KCNMA1: variants seen among roughly 807,000 people sequenced by gnomAD.
KCNMA1 encodes the protein Calcium-activated potassium channel subunit alpha-1.
Under a neutral mutation model 140.0 loss-of-function variants are expected in KCNMA1, and 29 were observed. That is an observed-to-expected ratio of 0.21 (90% CI 0.15 to 0.28). The LOEUF (loss-of-function observed/expected upper bound fraction) is 0.28. Among genes scored for constraint, KCNMA1 ranks in the 10% least tolerant of loss-of-function variants. KCNMA1 has a pLI of 1.00. For missense variants in KCNMA1, 880 were observed against 1,602.2 expected, an observed-to-expected ratio of 0.55 and a Z score of 7.70; for synonymous variants, 612 against 611.9, an observed-to-expected ratio of 1.00 and a Z score of 0.00.
chr10:77,532,349 G>A (rs929478448), intron 1 of KCNMA1, among the ~76,000 whole-genome samples: 3 of 152,204 alleles, frequency 2.0e-5, no homozygotes, highest in South Asian at 4.1e-4. Flanking sequence ...GATTCTCCCC[G>A]CCAGTACAGT....
downstream of KCNMA1, among the ~76,000 whole-genome samples, chr10:76,881,191 C>T (rs557367015): frequency 3.9e-5 from 6 of 152,218 alleles, no homozygotes; most frequent in Middle Eastern, 3.4e-3. Context: ...CAAGGAGATG[C>T]GGGCTAAGGA....
chr10:76,906,867 G>A (rs1233820649), intron 25 of KCNMA1, among the ~76,000 whole-genome samples: 1 of 152,074 alleles, frequency 6.6e-6, no homozygotes, highest in Non-Finnish European at 1.5e-5. Flanking sequence ...CTAGATTTGT[G>A]GACTCAGACC....
At chr10:77,247,108 T>A (rs566060680) in intron 3 of KCNMA1, among the ~76,000 whole-genome samples, 138 of 152,364 alleles carry the variant, frequency 9.1e-4, no homozygotes, top group Middle Eastern at 6.8e-3. Flanking sequence ...GGACTTGACC[T>A]TCATTTTCAG....
chr10:77,370,186 C>T (rs1347150024), intron 2 of KCNMA1, among the ~76,000 whole-genome samples: 2 of 151,938 alleles, frequency 1.3e-5, no homozygotes, highest in Admixed American at 6.6e-5. Context: ...TGGATGTGCA[C>T]CAACCCCAGC....
intron 3 of KCNMA1, among the ~76,000 whole-genome samples, chr10:77,209,601 A>C (rs1020417933): frequency 8.5e-5 from 13 of 152,176 alleles, no homozygotes; most frequent in Non-Finnish European, 8.8e-5. Flanking sequence ...TTTTTCATAT[A>C]ACATATCAAA....
At chr10:77,382,997 T>C (rs1224958635) in intron 2 of KCNMA1, among the ~76,000 whole-genome samples, 1 of 33,832 alleles carries the variant, frequency 3.0e-5, no homozygotes, top group Admixed American at 3.7e-4. Flanking sequence ...TGTGTGTGTA[T>C]ATATATATAT....
At chr10:77,491,390 C>T (rs1011065489) in intron 1 of KCNMA1, among the ~76,000 whole-genome samples, 6 of 152,108 alleles carry the variant, frequency 3.9e-5, no homozygotes, top group African/African-American at 7.2e-5. Context: ...TGTTCCATGG[C>T]CCAGTTTCCC....
intron 2 of KCNMA1, among the ~76,000 whole-genome samples, chr10:77,258,049 T>C (rs1260779886): frequency 2.0e-5 from 3 of 152,176 alleles, no homozygotes; most frequent in East Asian, 1.9e-4. Flanking sequence ...ACTCTGCCCC[T>C]ATAAGCAACA....
At chr10:77,594,020 A>C (rs2080035006) in intron 1 of KCNMA1, among the ~76,000 whole-genome samples, 1 of 152,234 alleles carries the variant, frequency 6.6e-6, no homozygotes, top group African/African-American at 2.4e-5. Flanking sequence ...ATGATGTATC[A>C]CAGCTGATCT....
chr10:77,154,063 G>A lies in KCNMA1; in HGVS notation c.808+29358C>T, dbSNP rs148107691. Among the ~76,000 whole-genome samples, 201 of 152,240 alleles carry A rather than the reference G, an allele frequency of 1.3e-3. 1 individual carries two copies. Among genetic ancestry groups the A allele is most frequent in the African/African-American group, 4.4e-3 (183 of 41,538 alleles). On this transcript the variant is annotated intron_variant, in intron 5 of 27. Coordinates refer to ENST00000286628, the MANE Select transcript of KCNMA1 (RefSeq NM_001161352.2). ...GACCAGGTGGAGGTAATTGGATCAC[G>A]GGGGCGGTTTCCCTCATGCTTTTCT... is the stretch of plus-strand genomic sequence containing the variant.
intron 16 of KCNMA1, among the ~76,000 whole-genome samples, chr10:77,022,213 C>T (rs1003081461): frequency 2.6e-5 from 4 of 152,110 alleles, no homozygotes; most frequent in Non-Finnish European, 5.9e-5. Flanking sequence ...CTGTGCGCCA[C>T]TCTGAATCAG....
At chr10:77,635,710 C>A (rs1022270907) in intron 1 of KCNMA1, 2 of 152,296 alleles carry the variant, frequency 1.3e-5, no homozygotes, top group South Asian at 2.1e-4. Context: ...GAAACCTCTA[C>A]GGCTGAGAAG....
intron 9 of KCNMA1, among the ~76,000 whole-genome samples, chr10:77,097,204 G>A (rs1351084618): frequency 6.6e-6 from 1 of 152,132 alleles, no homozygotes; most frequent in Non-Finnish European, 1.5e-5. Context: ...GTCCTTCAGG[G>A]TTACTGTTTC....
At chr10:77,304,755 G>A (rs935403045) in intron 2 of KCNMA1, among the ~76,000 whole-genome samples, 17 of 152,214 alleles carry the variant, frequency 1.1e-4, no homozygotes, top group African/African-American at 3.6e-4. Context: ...CCAGTGGGCA[G>A]GATTGACTTC....
intron 2 of KCNMA1, among the ~76,000 whole-genome samples, chr10:77,358,845 T>C (rs566942927): frequency 5.9e-5 from 9 of 152,222 alleles, no homozygotes; most frequent in Non-Finnish European, 1.3e-4. Flanking sequence ...AGTGAATCCG[T>C]GCCTGGTTCT....
At chr10:76,938,813 C>T (rs952621274) in intron 23 of KCNMA1, among the ~76,000 whole-genome samples, 9 of 152,180 alleles carry the variant, frequency 5.9e-5, no homozygotes, top group Middle Eastern at 3.4e-3. Context: ...GAATCTTTGC[C>T]GTCACTTCCA....
At chr10:77,389,392 G>C (rs57114529) in intron 2 of KCNMA1, among the ~76,000 whole-genome samples, 2,214 of 152,278 alleles carry the variant, frequency 0.015, 47 homozygotes, top group African/African-American at 0.05. Flanking sequence ...GGTACACAGA[G>C]ATGGAGGCGC....
At chr10:76,928,981 G>A (rs543205817) in intron 23 of KCNMA1, among the ~76,000 whole-genome samples, 1 of 152,290 alleles carries the variant, frequency 6.6e-6, no homozygotes, top group Middle Eastern at 3.4e-3. Flanking sequence ...GGAACAGGAA[G>A]CATTTTGATT....
intron 2 of KCNMA1, among the ~76,000 whole-genome samples, chr10:77,334,791 T>C (rs970104309): frequency 6.6e-6 from 1 of 152,240 alleles, no homozygotes; most frequent in Non-Finnish European, 1.5e-5. Context: ...ATTACTCATA[T>C]TAAAAAATGA....
Sources: gnomAD v4.1 joint callset for allele counts (sites outside exome capture counted in the v4.1 genomes callset) on GRCh38, gnomAD v4.1.1 for gene constraint, MANE v1.5 for transcripts, NCBI Gene and HGNC (gene_info 2026-07-23, HGNC 2026-07-21) for gene names.